Variants in GAB2 observed in about 807,000 individuals in gnomAD.
GAB2 encodes the protein GRB2 associated binding protein 2.
Under a neutral mutation model 65.5 loss-of-function variants are expected in GAB2, and 26 were observed. The ratio of observed to expected loss-of-function variants is 0.40; its 90% CI spans 0.29 to 0.55. GAB2 has a LOEUF of 0.55. Among genes scored for constraint, GAB2 ranks in the 20% least tolerant of loss-of-function variants. The pLI is 0.53. For synonymous variants in GAB2, 321 were observed against 329.6 expected, an observed-to-expected ratio of 0.97 and a Z score of 0.28; for missense variants, 884 against 875.8, an observed-to-expected ratio of 1.01 and a Z score of -0.12.
chr11:78,359,878 T>A (rs1267884649), intron 1 of GAB2, among the ~76,000 whole-genome samples: 2 of 152,164 alleles, frequency 1.3e-5, no homozygotes, highest in Non-Finnish European at 2.9e-5. Flanking sequence ...AATATTACCT[T>A]ATATGACATA....
intron 3 of GAB2, among the ~76,000 whole-genome samples, chr11:78,233,000 A>G (rs1300766786): frequency 2.6e-5 from 4 of 151,518 alleles, no homozygotes; most frequent in African/African-American, 9.7e-5. Flanking sequence ...ACACAGGATT[A>G]AAGTCTATTC....
At chr11:78,410,287 T>A (rs1414949841) in intron 1 of GAB2, among the ~76,000 whole-genome samples, 2 of 152,160 alleles carry the variant, frequency 1.3e-5, no homozygotes, top group African/African-American at 2.4e-5. Context: ...GCAGATCACT[T>A]AAGGTCAGGA....
intron 1 of GAB2, among the ~76,000 whole-genome samples, chr11:78,397,171 C>T (rs992737638): frequency 6.6e-6 from 1 of 152,090 alleles, no homozygotes; most frequent in Non-Finnish European, 1.5e-5. Flanking sequence ...GTTCCCAAAA[C>T]CTGTTGCAAA....
intron 3 of GAB2, among the ~76,000 whole-genome samples, chr11:78,237,493 G>A (rs1865012406): frequency 6.6e-6 from 1 of 152,190 alleles, no homozygotes; most frequent in South Asian, 2.1e-4. Context: ...AAATCAATCT[G>A]TAGTGGCAGA....
chr11:78,326,964 A>G (rs540091321), intron 1 of GAB2, among the ~76,000 whole-genome samples: 2 of 152,230 alleles, frequency 1.3e-5, no homozygotes, highest in African/African-American at 4.8e-5. Context: ...ATGAAGGCTA[A>G]GAAGAAATTG....
At chr11:78,282,246 C>T (rs1448458381) in intron 1 of GAB2, among the ~76,000 whole-genome samples, 1 of 152,062 alleles carries the variant, frequency 6.6e-6, no homozygotes, top group African/African-American at 2.4e-5. Flanking sequence ...AGACATTGCA[C>T]AAAGACTACA....
At chr11:78,381,428 G>T (rs1856696024) in intron 1 of GAB2, among the ~76,000 whole-genome samples, 2 of 152,176 alleles carry the variant, frequency 1.3e-5, no homozygotes, top group Non-Finnish European at 2.9e-5. Context: ...TAGTGAACTA[G>T]CCAAGGGCAC....
intron 3 of GAB2, among the ~76,000 whole-genome samples, chr11:78,228,259 G>A (rs1209167690): frequency 6.6e-6 from 1 of 152,208 alleles, no homozygotes; most frequent in Non-Finnish European, 1.5e-5. Flanking sequence ...TGGAGGGTGA[G>A]GTTCTGAGCA....
At chr11:78,387,111 A>G (rs1052110813) in intron 1 of GAB2, among the ~76,000 whole-genome samples, 2 of 152,202 alleles carry the variant, frequency 1.3e-5, no homozygotes, top group African/African-American at 4.8e-5. Flanking sequence ...GCTAGGTCAT[A>G]GCTCACTGTA....
rs56709163 is a variant in GAB2 at position 78,322,298 on chromosome 11, C to CAA, written c.76-41399_76-41398dup. ...TGGCTGACAGAGGGAGACTCTGTCTCAAAAAAAAAAAAAAAAAAAAAAAAA... is the reference window on the plus strand; with the variant it reads ...TGGCTGACAGAGGGAGACTCTGTCTCAAAAAAAAAAAAAAAAAAAAAAAAAAA... On this transcript the variant is annotated intron_variant, in intron 1 of 9. Transcript: ENST00000361507. Among the ~76,000 whole-genome samples the CAA allele has an allele frequency of 3.6e-3, 43 of 12,080 alleles. 4 individuals are homozygous for CAA. The highest frequency in any genetic ancestry group is 5.6e-3 in the African/African-American group (28 of 4,966). 7.9% of individuals were successfully genotyped at this position (12,080 alleles called of 152,430 possible).
intron 1 of GAB2, among the ~76,000 whole-genome samples, chr11:78,295,986 T>C (rs1033431537): frequency 2.6e-5 from 4 of 152,184 alleles, no homozygotes; most frequent in African/African-American, 9.7e-5. Flanking sequence ...AATTTTTCCA[T>C]GGAAAGGGGT....
At chr11:78,318,940 T>C (rs866283012) in intron 1 of GAB2, among the ~76,000 whole-genome samples, 1 of 152,158 alleles carries the variant, frequency 6.6e-6, no homozygotes, top group Non-Finnish European at 1.5e-5. Context: ...GAATGGAGAA[T>C]CGTTCTTTTC....
Position 78,219,158 on chromosome 11 carries a change from G to C in GAB2, c.*114C>G. ...TGATGTCAAGTGCTTTGAAGGCTGA[G>C]ACTGGCAGAGTAGAGAGGAGGTGGA... On this transcript the variant is annotated 3_prime_UTR_variant, in exon 10 of 10. Coordinates refer to ENST00000361507, the MANE Select transcript of GAB2 (RefSeq NM_080491.3). 1 of 1,013,320 alleles carries C rather than the reference G, an allele frequency of 9.9e-7. No homozygotes were observed. The highest frequency in any genetic ancestry group is 1.5e-5 in the South Asian group (1 of 66,540). 62.8% of individuals were successfully genotyped at this position (1,013,320 alleles called of 1,614,324 possible).
In GAB2 at chr11:78,217,246, C is replaced by G. The variant is rs1488426008; in HGVS notation, c.*2026G>C. 1 of 152,296 alleles carries G rather than the reference C, an allele frequency of 6.6e-6. No homozygotes were observed. Among genetic ancestry groups the G allele is most frequent in the African/African-American group, 2.4e-5 (1 of 41,424 alleles). 9.4% of individuals were successfully genotyped at this position (152,296 alleles called of 1,614,324 possible). On this transcript the variant is annotated 3_prime_UTR_variant, in exon 10 of 10. Coordinates refer to ENST00000361507, the MANE Select transcript of GAB2 (RefSeq NM_080491.3). ...ATCACCACTGTCTCATGTCCTTGTC[C>G]TTTTTCTGATTGTGGCTATCTTAAG...
chr11:78,276,077 G>A (rs1479601182), intron 2 of GAB2, among the ~76,000 whole-genome samples: 4 of 144,810 alleles, frequency 2.8e-5, no homozygotes, highest in African/African-American at 1.0e-4. Flanking sequence ...TTGTGCCACT[G>A]CATTCCAGCC....
At chr11:78,270,960 G>A (rs538851535) in intron 2 of GAB2, among the ~76,000 whole-genome samples, 83 of 152,390 alleles carry the variant, frequency 5.4e-4, no homozygotes, top group Non-Finnish European at 9.8e-4. Flanking sequence ...CTCAAGTGCA[G>A]CTAGCTGCCT....
chr11:78,370,141 C>T (rs1044723662), intron 1 of GAB2, among the ~76,000 whole-genome samples: 1 of 149,968 alleles, frequency 6.7e-6, no homozygotes, highest in Non-Finnish European at 1.5e-5. Context: ...CCTGTAGTCC[C>T]AGCTACTTGG....
At chr11:78,364,789 A>G (rs1416135717) in intron 1 of GAB2, among the ~76,000 whole-genome samples, 1 of 152,202 alleles carries the variant, frequency 6.6e-6, no homozygotes, top group African/African-American at 2.4e-5. Context: ...TCCCCAAACT[A>G]TACATATTTA....
At chr11:78,356,197 GAC>G (rs1554993412) in intron 1 of GAB2, among the ~76,000 whole-genome samples, 2 of 132,374 alleles carry the variant, frequency 1.5e-5, no homozygotes, top group Non-Finnish European at 3.2e-5. Context: ...AAAAAAAAAA[GAC>G]ACAGTGGTGG....
Sources: allele counts gnomAD v4.1 joint callset (sites outside exome capture counted in the v4.1 genomes callset), GRCh38; gene constraint gnomAD v4.1.1; transcripts MANE v1.5; gene names NCBI Gene and HGNC (gene_info 2026-07-23, HGNC 2026-07-21).